Variants in ARL15 observed in about 807,000 individuals in gnomAD.
ARL15 encodes the protein ADP-ribosylation factor-like protein 15.
Under a neutral mutation model 25.2 loss-of-function variants are expected in ARL15, and 19 were observed. The ratio of observed to expected loss-of-function variants is 0.75; its 90% CI spans 0.53 to 1.10. The LOEUF (loss-of-function observed/expected upper bound fraction) is 1.10. Ranked by LOEUF, ARL15 falls within the 50% of genes least tolerant of loss-of-function variation. The probability of loss-of-function intolerance (pLI) is 0.00; values close to 1 mark genes in which losing one functional copy is unlikely to be tolerated. For missense variants in ARL15, 220 were observed against 246.0 expected, an observed-to-expected ratio of 0.89 and a Z score of 0.71; for synonymous variants, 94 against 86.8, an observed-to-expected ratio of 1.08 and a Z score of -0.46.
intron 4 of ARL15, among the ~76,000 whole-genome samples, chr5:53,938,258 A>G (rs935740455): frequency 4.6e-5 from 7 of 152,178 alleles, no homozygotes; most frequent in African/African-American, 1.7e-4. Context: ...CTAAAAAAAA[A>G]AAAATCAAAA....
At chr5:54,180,138 A>G (rs1385006605) in intron 1 of ARL15, among the ~76,000 whole-genome samples, 1 of 152,138 alleles carries the variant, frequency 6.6e-6, no homozygotes, top group Non-Finnish European at 1.5e-5. Context: ...TATATAAATT[A>G]TACCTTAAAA....
chr5:54,074,346 A>C (rs1751521430), intron 4 of ARL15, among the ~76,000 whole-genome samples: 5 of 152,188 alleles, frequency 3.3e-5, no homozygotes, highest in Admixed American at 3.3e-4. Context: ...TAGTGGCTAT[A>C]ATCATTTCTG....
intron 4 of ARL15, among the ~76,000 whole-genome samples, chr5:53,914,601 G>C (rs1561147181): frequency 6.6e-6 from 1 of 152,114 alleles, no homozygotes; most frequent in Non-Finnish European, 1.5e-5. Context: ...GATGAAGACA[G>C]ACCTCAAGGC....
At chr5:54,071,130 G>A (rs1303247275) in intron 4 of ARL15, among the ~76,000 whole-genome samples, 28 of 151,104 alleles carry the variant, frequency 1.9e-4, no homozygotes, top group Admixed American at 7.2e-4. Flanking sequence ...TGTTCGTGCC[G>A]CTGCACTCTA....
At chr5:54,056,728 G>A (rs1269463552) in intron 4 of ARL15, among the ~76,000 whole-genome samples, 1 of 152,018 alleles carries the variant, frequency 6.6e-6, no homozygotes, top group Non-Finnish European at 1.5e-5. Flanking sequence ...CTAAAGGAGG[G>A]AGCATGGTGT....
chr5:54,052,109 G>A (rs1750720391), intron 4 of ARL15, among the ~76,000 whole-genome samples: 1 of 152,144 alleles, frequency 6.6e-6, no homozygotes, highest in South Asian at 2.1e-4. Context: ...CAAGGTCTGT[G>A]GATGCCATGG....
At chr5:54,090,727 T>TCA (rs1022065288) in intron 4 of ARL15, among the ~76,000 whole-genome samples, 2 of 151,786 alleles carry the variant, frequency 1.3e-5, no homozygotes, top group African/African-American at 4.8e-5. Context: ...AAAGGAAAGA[T>TCA]AAAAAAGGAT....
intron 1 of ARL15, among the ~76,000 whole-genome samples, chr5:54,251,154 AGAAG>A (rs1457642409): frequency 2.6e-5 from 4 of 152,270 alleles, no homozygotes; most frequent in Non-Finnish European, 5.9e-5. Context: ...AATTCAGGTA[AGAAG>A]GAAGAAGATA....
In ARL15 at chr5:54,291,258, A is replaced by G. The variant is rs1455531119; in HGVS notation, c.48+19174T>C. 2.0e-5 allele frequency among the ~76,000 whole-genome samples: 3 copies of G among 152,168 alleles called. No individual in the cohort carries two copies. In the East Asian group the frequency reaches 5.8e-4, roughly 29 times the overall value. On this transcript the variant is annotated intron_variant, in intron 1 of 4. Coordinates refer to ENST00000504924, the MANE Select transcript of ARL15 (RefSeq NM_019087.3). The stretch of plus-strand genomic sequence containing the variant: ...AGTGGTCCTCAGATGAGAAAAGAGA[A>G]CAGATAATCCTTGGTTTCCATGGGG...
chr5:54,042,977 GA>G (rs1750390839), intron 4 of ARL15, among the ~76,000 whole-genome samples: 1 of 152,068 alleles, frequency 6.6e-6, no homozygotes, highest in Non-Finnish European at 1.5e-5. Context: ...CTTAGCTTTA[GA>G]AAACCACTGC....
At chr5:54,180,287 T>A (rs1205767744) in intron 1 of ARL15, among the ~76,000 whole-genome samples, 1 of 152,192 alleles carries the variant, frequency 6.6e-6, no homozygotes, top group Admixed American at 6.5e-5. Flanking sequence ...AGAAGGTCTA[T>A]AATGAGCATG....
chr5:54,300,452 A>C (rs1758587561), intron 1 of ARL15, among the ~76,000 whole-genome samples: 2 of 152,140 alleles, frequency 1.3e-5, no homozygotes, highest in South Asian at 4.1e-4. Context: ...AGGTGACCCC[A>C]CCCTCCATCT....
At chr5:54,053,920 G>C (rs1750776766) in intron 4 of ARL15, among the ~76,000 whole-genome samples, 1 of 152,184 alleles carries the variant, frequency 6.6e-6, no homozygotes, top group African/African-American at 2.4e-5. Flanking sequence ...TATAAGCAAT[G>C]TATCAGTATT....
At chr5:54,104,655 T>A (rs1480995973) in intron 4 of ARL15, among the ~76,000 whole-genome samples, 2 of 152,174 alleles carry the variant, frequency 1.3e-5, no homozygotes, top group Non-Finnish European at 1.5e-5. Flanking sequence ...TATTCTTTTT[T>A]AACATATAAA....
intron 2 of ARL15, among the ~76,000 whole-genome samples, chr5:54,170,080 C>T (rs77073651): frequency 0.015 from 2,234 of 152,302 alleles, 23 homozygotes; most frequent in Middle Eastern, 0.027. Flanking sequence ...AATATCCTTT[C>T]TACTTTTTGT....
At chr5:53,958,607 T>C (rs1747251019) in intron 4 of ARL15, among the ~76,000 whole-genome samples, 1 of 152,138 alleles carries the variant, frequency 6.6e-6, no homozygotes. Flanking sequence ...CTCTTCAATA[T>C]AAAGGCAGAG....
chr5:54,193,203 T>C (rs1387127788), intron 1 of ARL15, among the ~76,000 whole-genome samples: 1 of 152,214 alleles, frequency 6.6e-6, no homozygotes, highest in Non-Finnish European at 1.5e-5. Context: ...TCCTTCTTTC[T>C]ATATTTCCTA....
chr5:54,071,957 G>C (rs966985304), intron 4 of ARL15, among the ~76,000 whole-genome samples: 1 of 137,476 alleles, frequency 7.3e-6, no homozygotes, highest in Non-Finnish European at 1.5e-5. Context: ...TGGTGACAGA[G>C]CGAGACTCCG....
intron 4 of ARL15, among the ~76,000 whole-genome samples, chr5:54,058,288 G>A (rs1750951940): frequency 6.6e-6 from 1 of 152,140 alleles, no homozygotes; most frequent in African/African-American, 2.4e-5. Context: ...TTACAGGTGT[G>A]AGCCACCGTG....
Sources: gnomAD v4.1 joint callset for allele counts (sites outside exome capture counted in the v4.1 genomes callset) on GRCh38, gnomAD v4.1.1 for gene constraint, MANE v1.5 for transcripts, NCBI Gene and HGNC (gene_info 2026-07-23, HGNC 2026-07-21) for gene names.